FGF12: variants seen among roughly 807,000 people sequenced by gnomAD.
The protein encoded by FGF12 is fibroblast growth factor 12.
In FGF12, 14 loss-of-function variants were observed where a neutral mutation model predicts 23.6. The observed-to-expected ratio is 0.59, with a 90% confidence interval of 0.39 to 0.93. The LOEUF (loss-of-function observed/expected upper bound fraction) is 0.93. FGF12 is among the 40% of genes least tolerant of loss of function. The pLI is 0.00. For synonymous variants in FGF12, 62 were observed against 77.3 expected (o/e 0.80, Z 1.04); for missense variants, 175 against 217.8 (o/e 0.80, Z 1.24).
intron 4 of FGF12, among the ~76,000 whole-genome samples, chr3:192,279,506 G>T (rs1406652218): frequency 6.6e-6 from 1 of 151,948 alleles, no homozygotes; most frequent in African/African-American, 2.4e-5. Context: ...AGAAACAGAG[G>T]CATAGAGATA....
chr3:192,251,920 C>A (rs1247723021), intron 4 of FGF12, among the ~76,000 whole-genome samples: 1 of 152,048 alleles, frequency 6.6e-6, no homozygotes, highest in Non-Finnish European at 1.5e-5. Context: ...TACACAGGAG[C>A]TTTACACATT....
chr3:192,217,514 C>A (rs1013449919), intron 4 of FGF12, among the ~76,000 whole-genome samples: 10 of 152,076 alleles, frequency 6.6e-5, no homozygotes, highest in African/African-American at 1.9e-4. Flanking sequence ...GGAACGTAGA[C>A]AACAAAATAA....
rs150904248 is a variant in FGF12 at position 192,665,074 on chromosome 3, T to C, written c.13+62107A>G. On this transcript the variant is annotated intron_variant, in intron 2 of 5. Transcript: ENST00000445105. ...ATCAGGACCATGGTTTATCTAAGGGTAATGAGAAATAAGATTTCTGTATTA... is the reference window on the plus strand; with the variant it reads ...ATCAGGACCATGGTTTATCTAAGGGCAATGAGAAATAAGATTTCTGTATTA... Among the ~76,000 whole-genome samples the C allele has an allele frequency of 2.5e-3, 380 of 152,302 alleles. 1 individual carries two copies. The highest frequency in any genetic ancestry group is 8.3e-3 in the African/African-American group (347 of 41,564).
At chr3:192,709,408 C>A (rs968810299) in intron 2 of FGF12, among the ~76,000 whole-genome samples, 1 of 152,126 alleles carries the variant, frequency 6.6e-6, no homozygotes, top group African/African-American at 2.4e-5. Flanking sequence ...TCTTAGAGGT[C>A]TTTAAAATCA....
intron 2 of FGF12, among the ~76,000 whole-genome samples, chr3:192,599,678 G>A (rs568399558): frequency 5.9e-5 from 9 of 152,086 alleles, no homozygotes; most frequent in African/African-American, 2.2e-4. Context: ...ACTTTTCTGA[G>A]ACAATCATAG....
chr3:192,205,661 A>T (rs993671033), intron 4 of FGF12, among the ~76,000 whole-genome samples: 4 of 152,176 alleles, frequency 2.6e-5, no homozygotes, highest in African/African-American at 9.6e-5. Flanking sequence ...TAAAAATGTG[A>T]CTTGTGCCAC....
At chr3:192,337,361 T>C (rs4687323) in intron 3 of FGF12, among the ~76,000 whole-genome samples, 59,887 of 151,720 alleles carry the variant, frequency 0.39, 16,428 homozygotes, top group East Asian at 0.81. Context: ...TTTAGTGAGG[T>C]GGAAGTTAGG....
intron 2 of FGF12, among the ~76,000 whole-genome samples, chr3:192,378,026 T>TTTCTCTTCTTTCTTTCTTTC (rs1553804997): frequency 1.4e-5 from 1 of 69,442 alleles, no homozygotes; most frequent in African/African-American, 7.4e-5. Context: ...TGACTCTTTC[T>TTTCTCTTCTTTCTTTCTTTC]TTTCTTTCTT....
At chr3:192,365,747 A>G (rs543437860) in intron 2 of FGF12, among the ~76,000 whole-genome samples, 1 of 152,214 alleles carries the variant, frequency 6.6e-6, no homozygotes, top group East Asian at 1.9e-4. Flanking sequence ...GTTTGAATTC[A>G]GAGCCACTCA....
chr3:192,560,594 C>A (rs1216547891), intron 2 of FGF12, among the ~76,000 whole-genome samples: 2 of 151,848 alleles, frequency 1.3e-5, no homozygotes, highest in Non-Finnish European at 2.9e-5. Flanking sequence ...GGATTAATTT[C>A]TTGAAAAGCG....
In FGF12 at chr3:192,408,778, G is replaced by C. The variant is rs1373532656; in HGVS notation, c.14-48240C>G. Reference sequence around the variant, plus strand: ...AAAAAGTGAATAAAACGTTCCTTTAGAAAACAAGCCACCAACCGCACGAGA... The same window carrying C: ...AAAAAGTGAATAAAACGTTCCTTTACAAAACAAGCCACCAACCGCACGAGA... On this transcript the variant is annotated intron_variant, in intron 2 of 5. Coordinates refer to ENST00000445105, the MANE Select transcript of FGF12 (RefSeq NM_004113.6). The surrounding 1 kb of genome is among the most constrained non-coding windows in gnomAD (Gnocchi z 7.3). The C allele has an allele frequency of 1.8e-5, 18 of 985,776 alleles. No homozygotes were observed. Among genetic ancestry groups the C allele is most frequent in the Non-Finnish European group, 1.9e-5 (16 of 830,316 alleles). The allele number at this position is 985,776 out of a possible 1,614,324, so 61.1% of individuals were successfully genotyped here. A position where few individuals can be genotyped will look rare whatever the true frequency, so the allele number is the denominator to read the frequency against.
chr3:192,236,383 A>G (rs770057150), intron 4 of FGF12, among the ~76,000 whole-genome samples: 2 of 152,144 alleles, frequency 1.3e-5, no homozygotes, highest in African/African-American at 2.4e-5. Flanking sequence ...TCCATTTGAT[A>G]AGTGTGGAGT....
chr3:192,504,901 C>A (rs757479742), intron 2 of FGF12, among the ~76,000 whole-genome samples: 2 of 151,996 alleles, frequency 1.3e-5, no homozygotes, highest in Non-Finnish European at 2.9e-5. Flanking sequence ...AGGTGGATAG[C>A]CATCTGTTTG....
chr3:192,215,687 C>G (rs1250818406), intron 4 of FGF12, among the ~76,000 whole-genome samples: 1 of 152,210 alleles, frequency 6.6e-6, no homozygotes, highest in Non-Finnish European at 1.5e-5. Flanking sequence ...AGAGCCATCT[C>G]TGTACAGATT....
At chr3:192,216,152 T>C (rs1718182337) in intron 4 of FGF12, among the ~76,000 whole-genome samples, 1 of 151,366 alleles carries the variant, frequency 6.6e-6, no homozygotes, top group Non-Finnish European at 1.5e-5. Context: ...TAGTGTATTG[T>C]TATATTCAAT....
chr3:192,210,148 G>C (rs1336782742), intron 4 of FGF12, among the ~76,000 whole-genome samples: 1 of 152,148 alleles, frequency 6.6e-6, no homozygotes. Context: ...AACATAGTGA[G>C]CATTGCCCCA....
intron 2 of FGF12, among the ~76,000 whole-genome samples, chr3:192,709,617 A>G (rs1718596991): frequency 6.6e-6 from 1 of 152,202 alleles, no homozygotes. Context: ...GCTGAAAATC[A>G]CTTTCAAATT....
intron 2 of FGF12, among the ~76,000 whole-genome samples, chr3:192,365,587 A>G (rs925878710): frequency 6.6e-6 from 1 of 152,116 alleles, no homozygotes; most frequent in Non-Finnish European, 1.5e-5. Flanking sequence ...AAATTCTAAG[A>G]TAATAATTAT....
At chr3:192,683,091 T>G (rs2108709636) in intron 2 of FGF12, among the ~76,000 whole-genome samples, 1 of 152,344 alleles carries the variant, frequency 6.6e-6, no homozygotes, top group Non-Finnish European at 1.5e-5. Context: ...AATACTTTAC[T>G]GGGTTTTGTG....
Sources: allele counts gnomAD v4.1 joint callset (sites outside exome capture counted in the v4.1 genomes callset), GRCh38; gene constraint gnomAD v4.1.1; non-coding constraint Gnocchi (gnomAD v3.1); transcripts MANE v1.5; gene names NCBI Gene and HGNC (gene_info 2026-07-23, HGNC 2026-07-21).